The following MYOCOS variants were observed in gnomAD, a reference collection of about 807,000 sequenced individuals.
The protein encoded by MYOCOS is myocilin opposite strand protein.
upstream of MYOCOS, among the ~76,000 whole-genome samples, chr1:171,619,840 A>G (rs1652520877): frequency 1.3e-5 from 2 of 151,454 alleles, no homozygotes; most frequent in African/African-American, 2.4e-5. Context: ...CAAAAAAAAA[A>G]AAAAGAAAAG....
At chr1:171,602,372 T>C (rs1395547685) in intron 1 of MYOCOS, among the ~76,000 whole-genome samples, 1 of 152,116 alleles carries the variant, frequency 6.6e-6, no homozygotes, top group Non-Finnish European at 1.5e-5. Flanking sequence ...AAAAAGATTA[T>C]AAAGGGGCAT....
intron 1 of MYOCOS, among the ~76,000 whole-genome samples, chr1:171,612,251 G>C (rs1412709114): frequency 6.6e-6 from 1 of 151,746 alleles, no homozygotes; most frequent in African/African-American, 2.4e-5. Flanking sequence ...GCTAATTTTT[G>C]TATTTTTAGT....
chr1:171,606,657 C>T (rs549354371), intron 1 of MYOCOS, among the ~76,000 whole-genome samples: 1 of 152,324 alleles, frequency 6.6e-6, no homozygotes, highest in South Asian at 2.1e-4. Context: ...CAATCACGAC[C>T]CTTTCATGTG....
chr1:171,608,807 G>A (rs529854488), intron 1 of MYOCOS, among the ~76,000 whole-genome samples: 1 of 152,264 alleles, frequency 6.6e-6, no homozygotes, highest in South Asian at 2.1e-4. Context: ...CTTGGATGAG[G>A]CATTCTCTGC....
chr1:171,606,716 G>A (rs192205816), intron 1 of MYOCOS, among the ~76,000 whole-genome samples: 296 of 152,296 alleles, frequency 1.9e-3, no homozygotes, highest in African/African-American at 6.3e-3. Flanking sequence ...TTGTGCACTC[G>A]AGGAGCTCAG....
chr1:171,624,459 T>C (rs1393734141), intron 2 of MYOCOS, among the ~76,000 whole-genome samples: 1 of 143,998 alleles, frequency 6.9e-6, no homozygotes, highest in Non-Finnish European at 1.5e-5. Flanking sequence ...TTATTATTAT[T>C]ATATTGAGAC....
At chr1:171,613,901 C>A (rs79000234) in intron 1 of MYOCOS, among the ~76,000 whole-genome samples, 3,860 of 152,206 alleles carry the variant, frequency 0.025, 143 homozygotes, top group African/African-American at 0.087. Context: ...TTATATGCTG[C>A]CAAAGAGGCC....
chr1:171,624,220 G>A (rs982626160), intron 2 of MYOCOS, among the ~76,000 whole-genome samples: 10 of 152,142 alleles, frequency 6.6e-5, no homozygotes, highest in Non-Finnish European at 1.2e-4. Flanking sequence ...GTGGGTGGTC[G>A]TGGCTCTTGA....
chr1:171,624,287 G>C (rs1652645553), intron 2 of MYOCOS, among the ~76,000 whole-genome samples: 1 of 152,006 alleles, frequency 6.6e-6, no homozygotes, highest in Admixed American at 6.6e-5. Context: ...TTTTGAGACA[G>C]GGTCTCGCTC....
intron 2 of MYOCOS, among the ~76,000 whole-genome samples, chr1:171,616,216 T>G (rs1356290580): frequency 6.9e-6 from 1 of 145,660 alleles, no homozygotes; most frequent in African/African-American, 2.6e-5. Context: ...AAACTCCATC[T>G]CAAAACAAAA....
At chr1:171,619,350 A>G (rs1652512298), upstream of MYOCOS, among the ~76,000 whole-genome samples, 2 of 152,176 alleles carry the variant, frequency 1.3e-5, no homozygotes, top group Non-Finnish European at 2.9e-5. Flanking sequence ...GGATTCAGGA[A>G]CATGTTTCAG....
chr1:171,618,904 C>T (rs1334902270), upstream of MYOCOS, among the ~76,000 whole-genome samples: 1 of 152,018 alleles, frequency 6.6e-6, no homozygotes, highest in Non-Finnish European at 1.5e-5. Flanking sequence ...CCATGAGTAT[C>T]CCCCTTTTTT....
chr1:171,609,690 AG>A (rs1363809267), intron 1 of MYOCOS, among the ~76,000 whole-genome samples: 2 of 152,220 alleles, frequency 1.3e-5, no homozygotes, highest in Non-Finnish European at 2.9e-5. Context: ...TTGTAGACAC[AG>A]GGTATATCAA....
intron 1 of MYOCOS, among the ~76,000 whole-genome samples, chr1:171,607,308 A>T (rs560846455): frequency 6.6e-6 from 1 of 152,326 alleles, no homozygotes; most frequent in Admixed American, 6.5e-5. Context: ...TACACATCTA[A>T]GTCTAAACCA....
chr1:171,611,586 G>A lies in MYOCOS; in HGVS notation c.-251-3212G>A, dbSNP rs770847422. ...AGTCACCAATACCTCTTACCAGAAG[G>A]TCTTCTGCTTAGTATCAACCAAGTG... On this transcript the variant is annotated intron_variant, in intron 1 of 3. Coordinates refer to the MYOCOS transcript ENST00000636697. Among the ~76,000 whole-genome samples the A allele has an allele frequency of 3.9e-5, 6 of 152,294 alleles. No homozygotes were observed. The South Asian group carries it at 8.3e-4, about 21-fold the overall frequency.
upstream of MYOCOS, among the ~76,000 whole-genome samples, chr1:171,618,489 C>T (rs894366975): frequency 6.6e-6 from 1 of 152,154 alleles, no homozygotes; most frequent in African/African-American, 2.4e-5. Flanking sequence ...TTTGGGGTTC[C>T]AGTTCAATTC....
At chr1:171,623,618 C>G (rs888754160) in intron 1 of MYOCOS, among the ~76,000 whole-genome samples, 2 of 152,120 alleles carry the variant, frequency 1.3e-5, no homozygotes, top group Admixed American at 6.5e-5. Flanking sequence ...TATAAACAAC[C>G]AACAAGTACT....
chr1:171,621,627 G>C (rs1466682764), upstream of MYOCOS, among the ~76,000 whole-genome samples: 1 of 151,950 alleles, frequency 6.6e-6, no homozygotes, highest in African/African-American at 2.4e-5. Context: ...CGCCCGCCTC[G>C]GCCTCCTAAA....
chr1:171,617,302 G>T (rs1652468000), upstream of MYOCOS, among the ~76,000 whole-genome samples: 1 of 152,154 alleles, frequency 6.6e-6, no homozygotes, highest in South Asian at 2.1e-4. Context: ...AAGTGGTGTA[G>T]TTATGAACCT....
Sources: allele counts gnomAD v4.1 joint callset (sites outside exome capture counted in the v4.1 genomes callset), GRCh38; gene constraint gnomAD v4.1.1; transcripts MANE v1.5; gene names NCBI Gene and HGNC (gene_info 2026-07-23, HGNC 2026-07-21).